KALRN: variants seen among roughly 807,000 people sequenced by gnomAD.
KALRN encodes kalirin.
A neutral mutation model predicts 353.7 loss-of-function variants in KALRN; 70 were observed. The ratio of observed to expected loss-of-function variants is 0.20; its 90% CI spans 0.16 to 0.24. KALRN has a LOEUF of 0.24. Ranked by LOEUF, KALRN falls within the 10% of genes least tolerant of loss-of-function variation. The pLI, the probability that KALRN is intolerant of heterozygous loss-of-function variation, is 1.00. For synonymous variants in KALRN, 1,391 were observed against 1,434.8 expected (o/e 0.97, Z 0.69); for missense variants, 2,791 against 3,756.7 (o/e 0.74, Z 6.72).
chr3:124,266,596 G>A (rs1245452176), intron 4 of KALRN, among the ~76,000 whole-genome samples: 74 of 152,186 alleles, frequency 4.9e-4, no homozygotes, highest in Non-Finnish European at 1.5e-5. Flanking sequence ...TTAAATGTGT[G>A]TGTGTTGAAA....
intron 1 of KALRN, among the ~76,000 whole-genome samples, chr3:124,167,158 A>T (rs2070998012): frequency 6.6e-6 from 1 of 152,188 alleles, no homozygotes; most frequent in Non-Finnish European, 1.5e-5. Context: ...GTGTCCTTGC[A>T]GGGCTCTGCC....
At chr3:124,525,298 G>A (rs2067493388) in intron 33 of KALRN, among the ~76,000 whole-genome samples, 1 of 152,154 alleles carries the variant, frequency 6.6e-6, no homozygotes, top group Admixed American at 6.5e-5. Flanking sequence ...TGGGATGGTG[G>A]AATAAGGAAA....
At position 124,369,300 on chromosome 3, in the gene KALRN, G is replaced by A. The variant is rs567897529; in HGVS notation, c.1771-15545G>A. Among the ~76,000 whole-genome samples, 3 of 152,068 alleles carry A rather than the reference G, an allele frequency of 2.0e-5. No individual in the cohort carries two copies. In the East Asian group the frequency reaches 5.8e-4, roughly 29 times the overall value. The stretch of plus-strand genomic sequence containing the variant: ...ATCTTTCCCTTTTAAAATTTCTTTG[G>A]TGTTTTTCAAATTTTGGAGAAAGTC... On this transcript the variant is annotated intron_variant, in intron 10 of 59. Coordinates refer to ENST00000682506, the MANE Select transcript of KALRN (RefSeq NM_001388419.1).
At chr3:124,534,412 T>C (rs1328032877) in intron 33 of KALRN, among the ~76,000 whole-genome samples, 2 of 151,910 alleles carry the variant, frequency 1.3e-5, no homozygotes, top group Non-Finnish European at 2.9e-5. Context: ...TTAGGACAAA[T>C]AGTTAATGCA....
At chr3:124,099,715 C>G (rs1381631307) in intron 1 of KALRN, among the ~76,000 whole-genome samples, 1 of 152,184 alleles carries the variant, frequency 6.6e-6, no homozygotes, top group African/African-American at 2.4e-5. Context: ...CACATCCTCA[C>G]CAGCATCTTT....
At chr3:124,565,396 A>G (rs947840246) in intron 34 of KALRN, among the ~76,000 whole-genome samples, 6 of 152,184 alleles carry the variant, frequency 3.9e-5, no homozygotes, top group Admixed American at 6.5e-5. Flanking sequence ...CCAAGAGGAG[A>G]AGAGGGTACA....
intron 1 of KALRN, among the ~76,000 whole-genome samples, chr3:124,180,810 C>T (rs988457259): frequency 2.8e-4 from 43 of 152,184 alleles, no homozygotes; most frequent in African/African-American, 9.6e-4. Flanking sequence ...CCCTTGCCCA[C>T]GTTTATTCAT....
At chr3:124,639,763 A>G (rs2081820133) in intron 37 of KALRN, among the ~76,000 whole-genome samples, 2 of 152,206 alleles carry the variant, frequency 1.3e-5, no homozygotes. Flanking sequence ...ATAATGAAGG[A>G]TATAACTTCT....
intron 34 of KALRN, among the ~76,000 whole-genome samples, chr3:124,598,973 C>T (rs949844721): frequency 1.3e-5 from 2 of 152,030 alleles, no homozygotes; most frequent in Non-Finnish European, 2.9e-5. Context: ...CCACGCCTGG[C>T]CTCACACACA....
chr3:124,159,534 A>G (rs2069567736), intron 1 of KALRN, among the ~76,000 whole-genome samples: 1 of 149,794 alleles, frequency 6.7e-6, no homozygotes, highest in East Asian at 1.9e-4. Flanking sequence ...GGCCTCCCAA[A>G]GTGCTGGGAT....
At chr3:124,456,877 G>A (rs2107597488) in intron 23 of KALRN, 149 bp downstream of exon 23, 1 of 551,188 alleles carries the variant, frequency 1.8e-6, no homozygotes, top group East Asian at 3.3e-5. Context: ...TGAGAATATG[G>A]GTTCCCTCTG....
At chr3:124,166,856 T>C (rs1414395379) in intron 1 of KALRN, among the ~76,000 whole-genome samples, 1 of 152,002 alleles carries the variant, frequency 6.6e-6, no homozygotes, top group Non-Finnish European at 1.5e-5. Flanking sequence ...CTAGCCAACA[T>C]GGTAAAACCC....
intron 1 of KALRN, among the ~76,000 whole-genome samples, chr3:124,116,783 T>A (rs933782370): frequency 2.0e-5 from 3 of 152,210 alleles, no homozygotes; most frequent in Non-Finnish European, 4.4e-5. Context: ...TATAACAATA[T>A]AATGGAAGTT....
intron 1 of KALRN, chr3:124,099,412 T>C (rs936712177): frequency 5.9e-5 from 9 of 152,238 alleles, no homozygotes; most frequent in African/African-American, 2.2e-4. Flanking sequence ...AGGTGAGTAG[T>C]ATTCCATTGT....
intron 1 of KALRN, among the ~76,000 whole-genome samples, chr3:124,038,863 T>C (rs1378173573): frequency 2.0e-5 from 3 of 152,268 alleles, no homozygotes; most frequent in Non-Finnish European, 4.4e-5. Flanking sequence ...TGGCATTGTC[T>C]GTGAGGACTC....
At chr3:124,542,987 A>G (rs1349547634) in intron 33 of KALRN, among the ~76,000 whole-genome samples, 1 of 152,130 alleles carries the variant, frequency 6.6e-6, no homozygotes, top group African/African-American at 2.4e-5. Context: ...CTGGGGCTAG[A>G]TCTGCTTCCA....
intron 37 of KALRN, among the ~76,000 whole-genome samples, chr3:124,641,435 G>A (rs2082031562): frequency 6.6e-6 from 1 of 152,220 alleles, no homozygotes. Context: ...TTTTAATAAA[G>A]CCTTTTCTAG....
At chr3:124,043,891 G>A (rs1395466085) in intron 1 of KALRN, among the ~76,000 whole-genome samples, 1 of 152,152 alleles carries the variant, frequency 6.6e-6, no homozygotes, top group African/African-American at 2.4e-5. Context: ...AAAGAAGTAA[G>A]TGAGGAGAGG....
At chr3:124,707,443 T>TTCCC (rs778546100) in intron 57 of KALRN, among the ~76,000 whole-genome samples, 4 of 133,952 alleles carry the variant, frequency 3.0e-5, no homozygotes, top group African/African-American at 5.6e-5. Flanking sequence ...CCTTCCTTCC[T>TTCCC]TCCCTCCTTC....
Sources: allele counts gnomAD v4.1 joint callset (sites outside exome capture counted in the v4.1 genomes callset), GRCh38; gene constraint gnomAD v4.1.1; transcripts MANE v1.5; gene names NCBI Gene and HGNC (gene_info 2026-07-23, HGNC 2026-07-21).